Variants in TP63 observed in about 807,000 individuals in gnomAD.
TP63 encodes the protein tumor protein p63.
TP63 carries 17 observed loss-of-function variants against 82.8 expected under a neutral mutation model. The observed-to-expected ratio is 0.21, with a 90% CI of 0.14 to 0.31. The LOEUF is 0.31. TP63 is among the 10% of genes least tolerant of loss of function. TP63 has a pLI of 1.00. For synonymous variants in TP63, 330 were observed against 321.7 expected (o/e 1.03, Z -0.28); for missense variants, 648 against 895.3 (o/e 0.72, Z 3.52).
chr3:189,682,546 AAAAAAAAATATATATATAT>A (rs1716029210), intron 1 of TP63, among the ~76,000 whole-genome samples: 3 of 37,790 alleles, frequency 7.9e-5, no homozygotes, highest in African/African-American at 1.1e-4. Flanking sequence ...GAAAAAAAAA[AAAAAAAAATATATATATAT>A]ATATATATAT....
the TP63 span, among the ~76,000 whole-genome samples, chr3:189,617,171 T>C: frequency 6.6e-6 from 1 of 152,210 alleles, no homozygotes; most frequent in Non-Finnish European, 1.5e-5. Flanking sequence ...TATCAAGGCC[T>C]CCTGTATACT....
At chr3:189,754,527 G>A (rs1282225799) in intron 3 of TP63, among the ~76,000 whole-genome samples, 1 of 152,092 alleles carries the variant, frequency 6.6e-6, no homozygotes, top group East Asian at 1.9e-4. Flanking sequence ...GCTGCAAGGA[G>A]CTGGTTAACA....
chr3:189,642,495 A>G (rs1477960530), intron 1 of TP63, among the ~76,000 whole-genome samples: 1 of 152,152 alleles, frequency 6.6e-6, no homozygotes, highest in Non-Finnish European at 1.5e-5. Flanking sequence ...GCATAGGTTC[A>G]AAAATCTCAC....
chr3:189,691,212 G>A lies in TP63; in HGVS notation c.63-46528G>A, dbSNP rs180739732. ...AAATTAGCCGGGCGTGGTGGTGCACGCCTGTAATCCCAGCTACTCGGGAGG... is the reference window on the plus strand; with the variant it reads ...AAATTAGCCGGGCGTGGTGGTGCACACCTGTAATCCCAGCTACTCGGGAGG... On this transcript the variant is annotated intron_variant, in intron 1 of 13. Coordinates refer to ENST00000264731, the MANE Select transcript of TP63 (RefSeq NM_003722.5). 3.6e-3 allele frequency among the ~76,000 whole-genome samples: 543 copies of A among 151,400 alleles called. 5 individuals are homozygous for A. The highest frequency in any genetic ancestry group is 4.4e-3 in the Non-Finnish European group (301 of 67,806).
chr3:189,693,902 G>A (rs1435645255), intron 1 of TP63, among the ~76,000 whole-genome samples: 1 of 152,084 alleles, frequency 6.6e-6, no homozygotes, highest in Admixed American at 6.6e-5. Flanking sequence ...AGATGAAGAT[G>A]ATTTTAAAAA....
intron 3 of TP63, among the ~76,000 whole-genome samples, chr3:189,807,685 G>A (rs961198173): frequency 2.0e-5 from 3 of 152,146 alleles, no homozygotes; most frequent in Non-Finnish European, 2.9e-5. Context: ...CCCTAACCCC[G>A]CTACCCATGA....
intron 3 of TP63, among the ~76,000 whole-genome samples, chr3:189,789,142 A>T (rs556991732): frequency 6.6e-6 from 1 of 152,042 alleles, no homozygotes; most frequent in African/African-American, 2.4e-5. Flanking sequence ...ATAAGTTAAA[A>T]ACTCTTTAGC....
At position 189,809,151 on chromosome 3, in the gene TP63, C is replaced by A. The variant is rs569528202; in HGVS notation, c.579+625C>A. ...TTATTTAATTTGGAAACATTCTTTT[C>A]GAAAAGAAAGCCTTTAAATAGACAT... On this transcript the variant is annotated intron_variant, in intron 4 of 13. Transcript: ENST00000264731. 2.0e-3 allele frequency among the ~76,000 whole-genome samples: 300 copies of A among 151,738 alleles called. 3 individuals carry two copies. The highest frequency in any genetic ancestry group is 0.014 in the Middle Eastern group (4 of 290).
chr3:189,725,371 G>C (rs1016140853), intron 1 of TP63, among the ~76,000 whole-genome samples: 3 of 152,042 alleles, frequency 2.0e-5, no homozygotes, highest in African/African-American at 7.2e-5. Flanking sequence ...AGGACTTATC[G>C]GGACTAGGAA....
Position 189,781,654 on chromosome 3 carries a change from C to G in TP63, c.325-26618C>G, listed in dbSNP as rs138695091. ...AGATTTACGTAAGAAAGCTGAGTTG[C>G]CTCAAAATACAGCCTCCAGAAAGAA... On this transcript the variant is annotated intron_variant, in intron 3 of 13. Transcript: ENST00000264731. Among the ~76,000 whole-genome samples, 281 of 152,102 alleles carry G rather than the reference C, an allele frequency of 1.8e-3. 1 individual carries two copies. Among genetic ancestry groups the G allele is most frequent in the African/African-American group, 6.4e-3 (267 of 41,474 alleles).
intron 6 of TP63, 96 bp downstream of exon 6, chr3:189,866,893 C>T: frequency 6.3e-6 from 6 of 957,802 alleles, no homozygotes; most frequent in South Asian, 5.4e-5. Flanking sequence ...TTTCTAGCAT[C>T]TATCACTGTC....
At chr3:189,880,713 C>T (rs1416890380) in intron 10 of TP63, 15 of 985,358 alleles carry the variant, frequency 1.5e-5, no homozygotes, top group South Asian at 4.7e-5. Context: ...TAGTAAGAAA[C>T]GAAGGTGTCA....
chr3:189,811,432 A>AT (rs1438898122), intron 4 of TP63, among the ~76,000 whole-genome samples: 1 of 152,122 alleles, frequency 6.6e-6, no homozygotes, highest in African/African-American at 2.4e-5. Flanking sequence ...TGGTAATTAT[A>AT]TTTTTATTAA....
intron 1 of TP63, among the ~76,000 whole-genome samples, chr3:189,653,854 AG>A: frequency 6.6e-6 from 1 of 152,304 alleles, no homozygotes; most frequent in South Asian, 2.1e-4. Context: ...TATATGTTTA[AG>A]GGATTAAATC....
At position 189,849,569 on chromosome 3, in the gene TP63, A is replaced by G. The variant is rs116069625; in HGVS notation, c.580-14663A>G. 8.7e-3 allele frequency among the ~76,000 whole-genome samples: 1,330 copies of G among 152,178 alleles called. 10 individuals are homozygous for G. Among genetic ancestry groups the G allele is most frequent in the African/African-American group, 0.03 (1,264 of 41,502 alleles). On this transcript the variant is annotated intron_variant, in intron 4 of 13. Coordinates refer to ENST00000264731, the MANE Select transcript of TP63 (RefSeq NM_003722.5). ...AGAGGAGAGGAAAAAACACAGTTTG[A>G]GCATTTCCCAAAACATCCTCCAAGC...
chr3:189,636,308 A>ACTC (rs1729777290), intron 1 of TP63, among the ~76,000 whole-genome samples: 1 of 152,056 alleles, frequency 6.6e-6, no homozygotes, highest in African/African-American at 2.4e-5. Flanking sequence ...TAGTAAGTAA[A>ACTC]CTCCACCACT....
intron 3 of TP63, among the ~76,000 whole-genome samples, chr3:189,756,005 G>C (rs1009598556): frequency 6.6e-6 from 1 of 152,078 alleles, no homozygotes; most frequent in Non-Finnish European, 1.5e-5. Flanking sequence ...GACCTAGCTG[G>C]GATGGAAATA....
At chr3:189,601,117 TA>T in the TP63 span, among the ~76,000 whole-genome samples, 1 of 152,246 alleles carries the variant, frequency 6.6e-6, no homozygotes, top group East Asian at 1.9e-4. Context: ...GTTGATGTTT[TA>T]AAGCCTTCTT....
At chr3:189,745,708 C>CAAAAAAAAAAAAAAAAAA (rs71298529) in intron 3 of TP63, among the ~76,000 whole-genome samples, 1 of 17,790 alleles carries the variant, frequency 5.6e-5, no homozygotes. Context: ...AACTCCATCT[C>CAAAAAAAAAAAAAAAAAA]AAAAAAAAAA....
Sources: gnomAD v4.1 joint callset for allele counts (sites outside exome capture counted in the v4.1 genomes callset) on GRCh38, gnomAD v4.1.1 for gene constraint, MANE v1.5 for transcripts, NCBI Gene and HGNC (gene_info 2026-07-23, HGNC 2026-07-21) for gene names.